The following GREB1 variants were observed in gnomAD, a reference collection of about 807,000 sequenced individuals.
The protein encoded by GREB1 is growth regulating estrogen receptor binding 1.
Under a neutral mutation model 200.7 loss-of-function variants are expected in GREB1, and 106 were observed. The observed-to-expected ratio is 0.53, with a 90% confidence interval of 0.45 to 0.62. GREB1 has a LOEUF of 0.62. Ranked by LOEUF, GREB1 falls within the 20% of genes least tolerant of loss-of-function variation. The probability of loss-of-function intolerance (pLI) is 0.00; values close to 1 mark genes in which losing one functional copy is unlikely to be tolerated. For missense variants in GREB1, 2,243 were observed against 2,556.8 expected (o/e 0.88, Z 2.65); for synonymous variants, 1,132 against 1,092.4 (o/e 1.04, Z -0.72).
chr2:11,571,120 C>T (rs1484550316), intron 4 of GREB1, among the ~76,000 whole-genome samples: 1 of 152,012 alleles, frequency 6.6e-6, no homozygotes, highest in African/African-American at 2.4e-5. Context: ...AAATAATGTT[C>T]CCCAGGTTTT....
chr2:11,539,329 G>C (rs1230458666), intron 1 of GREB1, among the ~76,000 whole-genome samples: 1 of 152,122 alleles, frequency 6.6e-6, no homozygotes, highest in Non-Finnish European at 1.5e-5. Flanking sequence ...GGGATTACAG[G>C]TGTGAACCAT....
At chr2:11,532,217 C>T (rs16857586), upstream of GREB1, among the ~76,000 whole-genome samples, 1 of 152,052 alleles carries the variant, frequency 6.6e-6, no homozygotes, top group East Asian at 1.9e-4. Flanking sequence ...GTATAGGAGC[C>T]CTTCATCAGT....
chr2:11,615,477 T>A (rs1683325879), intron 20 of GREB1, among the ~76,000 whole-genome samples, 187 bp downstream of exon 20: 1 of 152,258 alleles, frequency 6.6e-6, no homozygotes, highest in African/African-American at 2.4e-5. Flanking sequence ...GAGCTCTCAC[T>A]GAATTCAGAT....
chr2:11,495,031 G>A (rs1242109550), intron 1 of GREB1, among the ~76,000 whole-genome samples: 1 of 152,160 alleles, frequency 6.6e-6, no homozygotes, highest in African/African-American at 2.4e-5. Context: ...ATTCTGTGAC[G>A]TTTTGGGAGG....
upstream of GREB1, among the ~76,000 whole-genome samples, chr2:11,530,419 A>G (rs1381541866): frequency 2.0e-5 from 3 of 151,792 alleles, no homozygotes; most frequent in African/African-American, 7.3e-5. Flanking sequence ...AAAAAAAAAA[A>G]GTAAAATCTA....
At chr2:11,506,726 G>A (rs1436091588) in intron 1 of GREB1, among the ~76,000 whole-genome samples, 1 of 152,130 alleles carries the variant, frequency 6.6e-6, no homozygotes, top group Non-Finnish European at 1.5e-5. Flanking sequence ...GGGAGGCTTG[G>A]GAACTGGCAG....
intron 30 of GREB1, among the ~76,000 whole-genome samples, chr2:11,637,068 AGGCAGG>A (rs1363474431): frequency 3.2e-4 from 18 of 56,770 alleles, no homozygotes; most frequent in Admixed American, 1.8e-3. Flanking sequence ...GCAGGGACAG[AGGCAGG>A]GGCAGGGGCA....
intron 32 of GREB1, among the ~76,000 whole-genome samples, chr2:11,639,470 T>C (rs1463700604): frequency 6.6e-6 from 1 of 152,210 alleles, no homozygotes; most frequent in Non-Finnish European, 1.5e-5. Flanking sequence ...GACGAGTCTT[T>C]CTCCTCATCC....
rs756154116 is a variant in GREB1, at chr2:11,629,948, C to T, written c.4450C>T (p.Leu1484=). ...CTCTGTCCTTTCCCCCACACCCCAGCTGTATGAGTCCACCCTGCACGCCTT... is the reference window on the plus strand; with the variant it reads ...CTCTGTCCTTTCCCCCACACCCCAGTTGTATGAGTCCACCCTGCACGCCTT... ...QYMGFHPRYQ[L]YESTLHAFAF... The change falls in exon 26 of 33, where the codon CTG becomes TTG. Residue 1484 remains leucine, a splice_region_variant and synonymous_variant. Transcript: ENST00000381486. This position sits in a 1 kb window ranked among gnomAD's most constrained non-coding sequence, Gnocchi z 5.2. 3.7e-6 allele frequency: 6 copies of T among 1,613,784 alleles called. No individual in the cohort carries two copies. Among genetic ancestry groups the T allele is most frequent in the Non-Finnish European group, 5.1e-6 (6 of 1,179,902 alleles).
intron 27 of GREB1, among the ~76,000 whole-genome samples, chr2:11,632,335 C>CTTTTTTTTTTTTT (rs567209224): frequency 9.8e-5 from 11 of 112,210 alleles, no homozygotes; most frequent in Non-Finnish European, 1.3e-4. Context: ...TTCTTTCTCT[C>CTTTTTTTTTTTTT]TTTTTTTTTT....
At chr2:11,604,679 G>A (rs545443982) in intron 17 of GREB1, among the ~76,000 whole-genome samples, 5 of 152,284 alleles carry the variant, frequency 3.3e-5, no homozygotes, top group South Asian at 2.1e-4. Context: ...TGATTTGCCC[G>A]ACTTCATGCA....
chr2:11,595,526 T>C (rs1681132126), intron 12 of GREB1, 147 bp downstream of exon 12: 1 of 719,520 alleles, frequency 1.4e-6, no homozygotes, highest in Non-Finnish European at 2.3e-6. Flanking sequence ...CACTTGCACT[T>C]CTGTCCCTTT....
intron 1 of GREB1, among the ~76,000 whole-genome samples, chr2:11,553,671 CAT>C (rs1676153280): frequency 6.6e-6 from 1 of 151,968 alleles, no homozygotes. Flanking sequence ...CATGGGCTAC[CAT>C]GTGTGTGAAG....
At chr2:11,549,172 T>C (rs2147804805) in intron 1 of GREB1, among the ~76,000 whole-genome samples, 1 of 152,314 alleles carries the variant, frequency 6.6e-6, no homozygotes, top group South Asian at 2.1e-4. Context: ...GAATCTCATT[T>C]TCTCCTTTTT....
intron 7 of GREB1, among the ~76,000 whole-genome samples, chr2:11,584,108 G>T (rs556365904): frequency 1.1e-4 from 17 of 152,304 alleles, no homozygotes; most frequent in African/African-American, 3.8e-4. Context: ...CTGCTCCCAT[G>T]CTGGGCTTCT....
intron 1 of GREB1, among the ~76,000 whole-genome samples, chr2:11,516,194 A>G (rs1163564416): frequency 6.6e-6 from 1 of 152,138 alleles, no homozygotes; most frequent in Non-Finnish European, 1.5e-5. Flanking sequence ...AAATGAACCC[A>G]GCTTTTTCTC....
At chr2:11,523,676 C>T (rs906480347) in intron 1 of GREB1, among the ~76,000 whole-genome samples, 1 of 152,254 alleles carries the variant, frequency 6.6e-6, no homozygotes, top group Middle Eastern at 3.4e-3. Flanking sequence ...CAAATGAAAA[C>T]CAGAAAGACG....
At chr2:11,484,605 AAAAG>A (rs1558476953) in intron 1 of GREB1, among the ~76,000 whole-genome samples, 25 of 149,432 alleles carry the variant, frequency 1.7e-4, no homozygotes, top group African/African-American at 5.8e-4. Context: ...AAAAAAAAAA[AAAAG>A]AAAGAAAGAA....
At chr2:11,543,853 C>T (rs527361836) in intron 1 of GREB1, among the ~76,000 whole-genome samples, 1 of 152,172 alleles carries the variant, frequency 6.6e-6, no homozygotes, top group South Asian at 2.1e-4. Context: ...ATGTGTGCTG[C>T]TGGGTGGTGT....
Sources: allele counts gnomAD v4.1 joint callset (sites outside exome capture counted in the v4.1 genomes callset), GRCh38; gene constraint gnomAD v4.1.1; non-coding constraint Gnocchi (gnomAD v3.1); transcripts MANE v1.5; gene names NCBI Gene and HGNC (gene_info 2026-07-23, HGNC 2026-07-21).